GK2: variants seen among roughly 807,000 people sequenced by gnomAD.
GK2 encodes glycerol kinase 2.
GK2 carries 10 observed loss-of-function variants against 9.5 expected under a neutral mutation model. That is an observed-to-expected ratio of 1.05 (90% CI 0.65 to 1.78). The LOEUF is 1.78. Ranked by LOEUF, GK2 falls within the 40% of genes most tolerant of loss-of-function variation. The pLI is 0.00. For missense variants in GK2, 643 were observed against 669.0 expected, an observed-to-expected ratio of 0.96 and a Z score of 0.43; for synonymous variants, 228 against 229.9, an observed-to-expected ratio of 0.99 and a Z score of 0.07.
In GK2 at chr4:79,406,650, C is replaced by T. The variant is rs769060950; in HGVS notation, c.1551G>A (p.Gln517=). The T allele has an allele frequency of 5.6e-6, 9 of 1,613,996 alleles. No homozygotes were observed. In the Admixed American group the frequency reaches 1.5e-4, roughly 27 times the overall value. The change falls in exon 1 of 1, where the codon CAG becomes CAA. Residue 517 remains glutamine, a synonymous_variant. Transcript: ENST00000358842. ...TAGAAGGATCACCACCTTCAGGAGA[C>T]TGACTGGTAACCCAACCCATTGACT... is the stretch of plus-strand genomic sequence containing the variant. ...VMKSMGWVTS[Q]SPEGGDPSIF...
chr4:79,406,549 C>T lies in GK2; in HGVS notation c.1652G>A (p.Gly551Asp). ...VMLIGARYIS[G>D]VP ...CCATAGCTGGTATTATTATGGCACA[C>T]CCGAGATATATCTTGCTCCAATTAG... Residue 551 changes from glycine (G) to aspartate (D), a missense_variant, in exon 1 of 1, where the codon GGT (glycine) becomes GAT (aspartate). Coordinates refer to ENST00000358842, the MANE Select transcript of GK2 (RefSeq NM_033214.3). 1.2e-6 allele frequency: 2 copies of T among 1,601,382 alleles called. No homozygotes were observed. Among genetic ancestry groups the T allele is most frequent in the Non-Finnish European group, 1.7e-6 (2 of 1,168,974 alleles).
Position 79,407,588 on chromosome 4 carries a change from T to C in GK2, c.613A>G (p.Thr205Ala), listed in dbSNP as rs774084133. ...AAAGAATGGATATTAAAAAGCATTGTCCTACTTGCATTTGTTACATCTGTA... is the reference window on the plus strand; with the variant it reads ...AAAGAATGGATATTAAAAAGCATTGCCCTACTTGCATTTGTTACATCTGTA... ...HCTDVTNASR[T>A]MLFNIHSLEW... The change falls in exon 1 of 1, where the codon ACA (threonine) becomes GCA (alanine). Residue 205 changes from threonine (T) to alanine (A), a missense_variant. Transcript: ENST00000358842. 24 of 1,614,162 alleles carry C rather than the reference T, an allele frequency of 1.5e-5. No homozygotes were observed. The highest frequency in any genetic ancestry group is 2.0e-5 in the Non-Finnish European group (24 of 1,180,010).
At position 79,407,775 on chromosome 4, in the gene GK2, G is replaced by A. The variant is rs199943025; in HGVS notation, c.426C>T (p.Gly142=). 1 of 1,614,158 alleles carries A rather than the reference G, an allele frequency of 6.2e-7. No individual in the cohort carries two copies. Among genetic ancestry groups the A allele is most frequent in the East Asian group, 2.2e-5 (1 of 44,862 alleles). ...CACTGAAGTAAGTGCTGAGTGGAAGGCCTGTCTTAGACTTGACGAAGTTAC... is the reference window on the plus strand; with the variant it reads ...CACTGAAGTAAGTGCTGAGTGGAAGACCTGTCTTAGACTTGACGAAGTTAC... ...GNSNFVKSKT[G]LPLSTYFSAV... Residue 142 remains glycine, a synonymous_variant, in exon 1 of 1, where the codon GGC becomes GGT. Coordinates refer to ENST00000358842, the MANE Select transcript of GK2 (RefSeq NM_033214.3).
rs115850209 is a variant in GK2, at chr4:79,406,836, A to G, written c.1365T>C (p.Thr455=). Residue 455 remains threonine (T), a synonymous_variant, in exon 1 of 1, where the codon ACT becomes ACC. Coordinates refer to ENST00000358842, the MANE Select transcript of GK2 (RefSeq NM_033214.3). ...PVIKPFMPET[T]ALGAAMAAGA... ...CTGCTGCCATGGCAGCTCCTAGTGC[A>G]GTTGTTTCAGGCATAAAGGGTTTTA... 1.3e-3 allele frequency: 2,067 copies of G among 1,614,218 alleles called. 31 individuals carry two copies. In the African/African-American group the frequency reaches 0.024, roughly 19 times the overall value.
chr4:79,406,535 A>G lies in GK2; in HGVS notation c.*4T>C. The G allele has an allele frequency of 3.8e-6, 6 of 1,560,428 alleles. No individual in the cohort carries two copies. Among genetic ancestry groups the G allele is most frequent in the Non-Finnish European group, 5.3e-6 (6 of 1,132,752 alleles). On this transcript the variant is annotated 3_prime_UTR_variant, in exon 1 of 1. Coordinates refer to ENST00000358842, the MANE Select transcript of GK2 (RefSeq NM_033214.3). Reference sequence around the variant, plus strand: ...TACATCTTGGGACTCCATAGCTGGTATTATTATGGCACACCCGAGATATAT... The same window carrying G: ...TACATCTTGGGACTCCATAGCTGGTGTTATTATGGCACACCCGAGATATAT...
chr4:79,407,914 G>A lies in GK2; in HGVS notation c.287C>T (p.Thr96Ile). 6.2e-7 allele frequency: 1 copy of A among 1,614,180 alleles called. No individual in the cohort carries two copies. Among genetic ancestry groups the A allele is most frequent in the South Asian group, 1.1e-5 (1 of 91,078 alleles). The change falls in exon 1 of 1, where the codon ACC (threonine) becomes ATC (isoleucine). Residue 96 changes from threonine to isoleucine, a missense_variant. Transcript: ENST00000358842. ...KAVGVSNQRE[T>I]TVIWDKLTGE... ...TGTTAACTTGTCCCAGATTACAGTGGTTTCCCTCTGATTGCTGACACCAAC... is the reference window on the plus strand; with the variant it reads ...TGTTAACTTGTCCCAGATTACAGTGATTTCCCTCTGATTGCTGACACCAAC...
chr4:79,407,786 A>T lies in GK2; in HGVS notation c.415T>A (p.Ser139Thr), dbSNP rs777425846. ...KIPGNSNFVK[S>T]KTGLPLSTYF... ...GTGCTGAGTGGAAGGCCTGTCTTAG[A>T]CTTGACGAAGTTACTATTTCCTGGA... The change falls in exon 1 of 1, where the codon TCT becomes ACT. Residue 139 changes from serine (S) to threonine (T), a missense_variant. Ser to Thr is a moderately conservative substitution (Grantham distance 58). Transcript: ENST00000358842. 1.2e-6 allele frequency: 2 copies of T among 1,614,148 alleles called. No homozygotes were observed. The highest frequency in any genetic ancestry group is 3.3e-5 in the Admixed American group (2 of 60,020).
Position 79,407,237 on chromosome 4 carries a change from C to CT in GK2, c.963_964insA (p.Val322SerfsTer25). ...CGAATAACAGCACCTGCTATAGCAACAGAACCTTCCAGTGCATAATATGCT... is the reference window on the plus strand; with the variant it reads ...CGAATAACAGCACCTGCTATAGCAACTAGAACCTTCCAGTGCATAATATGCT... On this transcript the variant is annotated frameshift_variant, in exon 1 of 1. Transcript: ENST00000358842. LOFTEE classifies it high-confidence loss of function. The CT allele has an allele frequency of 6.2e-7, 1 of 1,614,216 alleles. No individual in the cohort carries two copies.
rs771329087 is a variant in GK2, at chr4:79,406,958, A to G, written c.1243T>C (p.Cys415Arg). Residue 415 changes from cysteine to arginine, a missense_variant, in exon 1 of 1, where the codon TGT becomes CGT. Coordinates refer to ENST00000358842, the MANE Select transcript of GK2 (RefSeq NM_033214.3). ...TGCAAATGACGAAGTGGAATTCCAC[A>G]GTCACGGTTCATGGCTTCCAAAATC... ...REILEAMNRD[C>R]GIPLRHLQVD... 3 of 1,614,214 alleles carry G rather than the reference A, an allele frequency of 1.9e-6. No homozygotes were observed. The East Asian group carries it at 6.7e-5, about 36-fold the overall frequency.
In GK2 at chr4:79,407,808, T is replaced by C. The variant is rs368467290; in HGVS notation, c.393A>G (p.Pro131=). 1.8e-5 allele frequency: 29 copies of C among 1,614,180 alleles called. No individual in the cohort carries two copies. Among genetic ancestry groups the C allele is most frequent in the East Asian group, 1.1e-4 (5 of 44,874 alleles). The stretch of plus-strand genomic sequence containing the variant: ...TAGACTTGACGAAGTTACTATTTCC[T>C]GGAATTTTTTTACTAAGATCCTCAA... ...TTVEDLSKKI[P]GNSNFVKSKT... is the part of the protein sequence containing the mutation. Residue 131 remains proline, a synonymous_variant, in exon 1 of 1, where the codon CCA becomes CCG. Coordinates refer to ENST00000358842, the MANE Select transcript of GK2 (RefSeq NM_033214.3).
Position 79,408,103 on chromosome 4 carries a change from G to C in GK2, c.98C>G (p.Ala33Gly), listed in dbSNP as rs140376639. 6.2e-7 allele frequency: 1 copy of C among 1,614,080 alleles called. No individual in the cohort carries two copies. The highest frequency in any genetic ancestry group is 1.1e-5 in the South Asian group (1 of 91,074). Residue 33 changes from alanine (A) to glycine (G), a missense_variant, in exon 1 of 1, where the codon GCG becomes GGG. Coordinates refer to ENST00000358842, the MANE Select transcript of GK2 (RefSeq NM_033214.3). ...CACTTTGTGATGACTAAGTAGTTCC[G>C]CTGTTTTTGAATTGAAAACCAGAAA... ...TRFLVFNSKTAELLSHHKVEL... is the reference protein window; with the variant it reads ...TRFLVFNSKTGELLSHHKVEL...
rs1167629387 is a variant in GK2 at position 79,407,897 on chromosome 4, T to G, written c.304A>C (p.Lys102Gln). 6.2e-7 allele frequency: 1 copy of G among 1,614,106 alleles called. No homozygotes were observed. The highest frequency in any genetic ancestry group is 2.2e-5 in the East Asian group (1 of 44,894). Reference protein sequence around the residue: ...NQRETTVIWDKLTGEPLYNAV... With the variant: ...NQRETTVIWDQLTGEPLYNAV... ...TTGTAGAGAGGCTCTCCTGTTAACT[T>G]GTCCCAGATTACAGTGGTTTCCCTC... is the stretch of plus-strand genomic sequence containing the variant. The change falls in exon 1 of 1, where the codon AAG (lysine) becomes CAG (glutamine). Residue 102 changes from lysine to glutamine, a missense_variant. Lys to Gln is a moderately conservative substitution (Grantham distance 53). Transcript: ENST00000358842.
At position 79,406,613 on chromosome 4, in the gene GK2, G is replaced by A; in HGVS notation, c.1588C>T (p.Leu530=). ...EGGDPSIFSS[L]PLGFFIVSSM... is the part of the protein sequence containing the mutation. Reference sequence around the variant, plus strand: ...CTCACTATAAAAAATCCCAAAGGCAGACTAGAGAAGATAGAAGGATCACCA... The same window carrying A: ...CTCACTATAAAAAATCCCAAAGGCAAACTAGAGAAGATAGAAGGATCACCA... Residue 530 remains leucine, a synonymous_variant, in exon 1 of 1, where the codon CTG becomes TTG. Coordinates refer to ENST00000358842, the MANE Select transcript of GK2 (RefSeq NM_033214.3). 6.2e-7 allele frequency: 1 copy of A among 1,613,928 alleles called. No individual in the cohort carries two copies. The highest frequency in any genetic ancestry group is 8.5e-7 in the Non-Finnish European group (1 of 1,179,818).
At position 79,407,761 on chromosome 4, in the gene GK2, G is replaced by A; in HGVS notation, c.440C>T (p.Thr147Ile). Reference sequence around the variant, plus strand: ...ACGAAGTTTTACTGCACTGAAGTAAGTGCTGAGTGGAAGGCCTGTCTTAGA... The same window carrying A: ...ACGAAGTTTTACTGCACTGAAGTAAATGCTGAGTGGAAGGCCTGTCTTAGA... ...VKSKTGLPLS[T>I]YFSAVKLRWM... Residue 147 changes from threonine to isoleucine, a missense_variant, in exon 1 of 1, where the codon ACT becomes ATT. Physicochemically the swap from Thr to Ile is moderately conservative, Grantham distance 89. Transcript: ENST00000358842. The A allele has an allele frequency of 6.2e-7, 1 of 1,614,122 alleles. No individual in the cohort carries two copies. Among genetic ancestry groups the A allele is most frequent in the Non-Finnish European group, 8.5e-7 (1 of 1,180,006 alleles).
Position 79,408,094 on chromosome 4 carries a change from A to C in GK2, c.107T>G (p.Leu36Arg), listed in dbSNP as rs1725895413. The change falls in exon 1 of 1, where the codon CTT becomes CGT. Residue 36 changes from leucine to arginine, a missense_variant. Physicochemically the swap from Leu to Arg is moderately radical, Grantham distance 102 (BLOSUM62 -2). Coordinates refer to ENST00000358842, the MANE Select transcript of GK2 (RefSeq NM_033214.3). Reference sequence around the variant, plus strand: ...TGTTAATTCCACTTTGTGATGACTAAGTAGTTCCGCTGTTTTTGAATTGAA... The same window carrying C: ...TGTTAATTCCACTTTGTGATGACTACGTAGTTCCGCTGTTTTTGAATTGAA... Reference protein sequence around the residue: ...LVFNSKTAELLSHHKVELTQE... With the variant: ...LVFNSKTAELRSHHKVELTQE... 1 of 1,614,136 alleles carries C rather than the reference A, an allele frequency of 6.2e-7. No homozygotes were observed.
In GK2 at chr4:79,408,223, A is replaced by T; in HGVS notation, c.-23T>A. On this transcript the variant is annotated 5_prime_UTR_variant, in exon 1 of 1. Transcript: ENST00000358842. ...CATGACACCAGTAGGTCGGCTCAGC[A>T]GCTCTGGGACCGTTTCCCAGGCCAC... is the stretch of plus-strand genomic sequence containing the variant. The T allele has an allele frequency of 1.9e-6, 3 of 1,541,334 alleles. No individual in the cohort carries two copies. Among genetic ancestry groups the T allele is most frequent in the Non-Finnish European group, 2.6e-6 (3 of 1,145,408 alleles).
Position 79,407,606 on chromosome 4 carries a change from C to T in GK2, c.595G>A (p.Val199Ile). 6.2e-7 allele frequency: 1 copy of T among 1,613,722 alleles called. No individual in the cohort carries two copies. Among genetic ancestry groups the T allele is most frequent in the East Asian group, 2.2e-5 (1 of 44,882 alleles). The change falls in exon 1 of 1, where the codon GTA becomes ATA. Residue 199 changes from valine to isoleucine, a missense_variant. Val to Ile is a conservative substitution (Grantham distance 29, BLOSUM62 3). Transcript: ENST00000358842. Reference protein sequence around the residue: ...GVNGGVHCTDVTNASRTMLFN... With the variant: ...GVNGGVHCTDITNASRTMLFN... ...AGCATTGTCCTACTTGCATTTGTTA[C>T]ATCTGTACAATGCACGCCTCCATTA...
Position 79,407,520 on chromosome 4 carries a change from C to T in GK2, c.681G>A (p.Met227Ile), listed in dbSNP as rs777950818. Residue 227 changes from methionine to isoleucine, a missense_variant, in exon 1 of 1, where the codon ATG (methionine) becomes ATA (isoleucine). By Grantham distance (10) the Met-to-Ile change is conservative. Transcript: ENST00000358842. ...AACTGAAGACATTTGGAAGAAGGTC[C>T]ATTGGAATTTCAAAAAAGTCACAGA... ...KELCDFFEIPMDLLPNVFSSS... is the reference protein window; with the variant it reads ...KELCDFFEIPIDLLPNVFSSS... 7.4e-6 allele frequency: 12 copies of T among 1,613,996 alleles called. No homozygotes were observed. The Admixed American group carries it at 2.0e-4, about 27-fold the overall frequency.
In GK2 at chr4:79,407,272, C is replaced by A; in HGVS notation, c.929G>T (p.Arg310Ile). The change falls in exon 1 of 1, where the codon AGA (arginine) becomes ATA (isoleucine). Residue 310 changes from arginine to isoleucine, a missense_variant. Coordinates refer to ENST00000358842, the MANE Select transcript of GK2 (RefSeq NM_033214.3). The part of the protein sequence containing the change: ...LLTTVAYKLG[R>I]EKPAYYALEG... ...CAGTGCATAATATGCTGGCTTCTCTCTGCCTAGTTTGTAAGCTACTGTGGT... is the reference window on the plus strand; with the variant it reads ...CAGTGCATAATATGCTGGCTTCTCTATGCCTAGTTTGTAAGCTACTGTGGT... 1 of 1,614,212 alleles carries A rather than the reference C, an allele frequency of 6.2e-7. No homozygotes were observed. The highest frequency in any genetic ancestry group is 8.5e-7 in the Non-Finnish European group (1 of 1,180,038).
Sources: gnomAD v4.1 joint callset for allele counts on GRCh38, gnomAD v4.1.1 for gene constraint, MANE v1.5 for transcripts, NCBI Gene and HGNC (gene_info 2026-07-23, HGNC 2026-07-21) for gene names.